The following HPSE2 variants were observed in gnomAD, a reference collection of about 807,000 sequenced individuals.
HPSE2 encodes inactive heparanase-2.
Under a neutral mutation model 60.5 loss-of-function variants are expected in HPSE2, and 38 were observed. The observed-to-expected ratio is 0.63, with a 90% CI of 0.48 to 0.82. The LOEUF is 0.82. Ranked by LOEUF, HPSE2 falls within the 40% of genes least tolerant of loss-of-function variation. The pLI is 0.00. For synonymous variants in HPSE2, 295 were observed against 293.2 expected, an observed-to-expected ratio of 1.01 and a Z score of -0.06; for missense variants, 713 against 740.4, an observed-to-expected ratio of 0.96 and a Z score of 0.43.
chr10:99,070,384 A>G (rs1842750117), intron 3 of HPSE2, among the ~76,000 whole-genome samples: 1 of 152,244 alleles, frequency 6.6e-6, no homozygotes, highest in African/African-American at 2.4e-5. Context: ...GTTATTCATT[A>G]GTAAAATGCA....
At chr10:99,053,970 A>T (rs1180789251) in intron 3 of HPSE2, among the ~76,000 whole-genome samples, 1 of 151,368 alleles carries the variant, frequency 6.6e-6, no homozygotes, top group Non-Finnish European at 1.5e-5. Context: ...TCCCGAGCTC[A>T]GGCAATCTGC....
chr10:99,300,047 T>C, the HPSE2 span, among the ~76,000 whole-genome samples: 1 of 137,888 alleles, frequency 7.3e-6, no homozygotes, highest in Non-Finnish European at 1.6e-5. Flanking sequence ...AAAAAAAGAA[T>C]TGGCCAAAAA....
intron 3 of HPSE2, among the ~76,000 whole-genome samples, chr10:99,092,232 C>T (rs904596039): frequency 1.3e-5 from 2 of 152,138 alleles, no homozygotes; most frequent in African/African-American, 4.8e-5. Context: ...TCCCACCACA[C>T]AACATCTAAT....
At chr10:98,573,978 A>G (rs948692059) in intron 9 of HPSE2, among the ~76,000 whole-genome samples, 1 of 152,128 alleles carries the variant, frequency 6.6e-6, no homozygotes, top group Admixed American at 6.6e-5. Flanking sequence ...ATCCATAACC[A>G]CAATCAATTT....
chr10:99,160,028 C>A (rs985420559), intron 2 of HPSE2, among the ~76,000 whole-genome samples: 1 of 151,406 alleles, frequency 6.6e-6, no homozygotes, highest in Admixed American at 6.6e-5. Context: ...TTAATCCCAG[C>A]GACTCGGGAG....
At chr10:98,857,167 C>T (rs1459650399) in intron 3 of HPSE2, among the ~76,000 whole-genome samples, 2 of 152,094 alleles carry the variant, frequency 1.3e-5, no homozygotes, top group Non-Finnish European at 2.9e-5. Context: ...TGGGCTAATT[C>T]ATCATCTTAC....
chr10:98,755,039 T>C (rs768576090), intron 3 of HPSE2, among the ~76,000 whole-genome samples: 43 of 152,102 alleles, frequency 2.8e-4, no homozygotes, highest in Middle Eastern at 3.4e-3. Context: ...TAACCTTGAA[T>C]GTAAATCAGC....
chr10:98,523,411 T>G (rs1312944586), intron 9 of HPSE2, among the ~76,000 whole-genome samples: 2 of 152,202 alleles, frequency 1.3e-5, no homozygotes, highest in Non-Finnish European at 2.9e-5. Flanking sequence ...ACAGCCACCT[T>G]GGCACAGAAA....
intron 4 of HPSE2, among the ~76,000 whole-genome samples, chr10:98,725,803 A>G (rs1387534847): frequency 6.6e-6 from 1 of 152,148 alleles, no homozygotes; most frequent in Non-Finnish European, 1.5e-5. Flanking sequence ...GAAAAAAACA[A>G]CCCCATCAAA....
chr10:98,797,977 G>A (rs1306807344), intron 3 of HPSE2, among the ~76,000 whole-genome samples: 5 of 152,268 alleles, frequency 3.3e-5, no homozygotes, highest in Non-Finnish European at 7.4e-5. Context: ...GAAGGTTATT[G>A]AACACCAAGC....
the HPSE2 span, among the ~76,000 whole-genome samples, chr10:99,309,305 G>A: frequency 6.6e-6 from 1 of 152,250 alleles, no homozygotes; most frequent in African/African-American, 2.4e-5. Flanking sequence ...CCAGTGAATT[G>A]TATACATTAA....
intron 6 of HPSE2, among the ~76,000 whole-genome samples, chr10:98,687,649 C>T (rs2134153431): frequency 1.3e-5 from 2 of 152,274 alleles, no homozygotes; most frequent in South Asian, 4.1e-4. Flanking sequence ...CAGGACAATA[C>T]ATTTACGATT....
At chr10:98,474,311 G>T (rs1230894056) in intron 11 of HPSE2, among the ~76,000 whole-genome samples, 4 of 152,176 alleles carry the variant, frequency 2.6e-5, no homozygotes, top group Non-Finnish European at 1.5e-5. Flanking sequence ...GTGCTTTCAG[G>T]TATCATTAGT....
chr10:99,208,699 A>T (rs75598819), intron 2 of HPSE2, among the ~76,000 whole-genome samples: 1 of 150,058 alleles, frequency 6.7e-6, no homozygotes, highest in Non-Finnish European at 1.5e-5. Flanking sequence ...AATAAAAATA[A>T]AAAAAAAAAG....
intron 4 of HPSE2, among the ~76,000 whole-genome samples, chr10:98,737,481 C>T (rs1397094993): frequency 1.1e-5 from 1 of 94,522 alleles, no homozygotes; most frequent in African/African-American, 3.5e-5. Context: ...TCCATCACAG[C>T]ATAGTCCCTC....
intron 2 of HPSE2, among the ~76,000 whole-genome samples, chr10:99,190,441 T>C (rs1196214926): frequency 6.6e-6 from 1 of 152,202 alleles, no homozygotes; most frequent in African/African-American, 2.4e-5. Flanking sequence ...TATTTCTGTT[T>C]TACAGATTAA....
chr10:98,804,661 A>G (rs1316269262), intron 3 of HPSE2, among the ~76,000 whole-genome samples: 1 of 152,128 alleles, frequency 6.6e-6, no homozygotes, highest in Admixed American at 6.6e-5. Context: ...TACGGTACGG[A>G]AATGCTCCTA....
intron 10 of HPSE2, among the ~76,000 whole-genome samples, chr10:98,484,126 G>T (rs1252846): frequency 0.92 from 140,432 of 152,316 alleles, 64,845 homozygotes; most frequent in Admixed American, 0.96. Flanking sequence ...TTTTTCATTT[G>T]CCATTTCATT....
intron 7 of HPSE2, among the ~76,000 whole-genome samples, chr10:98,631,168 C>T (rs774464506): frequency 2.0e-5 from 3 of 152,116 alleles, no homozygotes; most frequent in Non-Finnish European, 4.4e-5. Context: ...TTTTAATTTG[C>T]GGCTTCTGTT....
Sources: allele counts gnomAD v4.1 joint callset (sites outside exome capture counted in the v4.1 genomes callset), GRCh38; gene constraint gnomAD v4.1.1; transcripts MANE v1.5; gene names NCBI Gene and HGNC (gene_info 2026-07-23, HGNC 2026-07-21).